Variants in KLF12 observed in about 807,000 individuals in gnomAD.
KLF12 encodes Krueppel-like factor 12.
In KLF12, 9 loss-of-function variants were observed where a neutral mutation model predicts 37.8. The ratio of observed to expected loss-of-function variants is 0.24; its 90% CI spans 0.14 to 0.42. The LOEUF (loss-of-function observed/expected upper bound fraction) is 0.42, where lower values mean the gene tolerates loss of function less well. KLF12 is among the 10% of genes least tolerant of loss of function. KLF12 has a pLI of 1.00. For synonymous variants in KLF12, 208 were observed against 202.1 expected (o/e 1.03, Z -0.25); for missense variants, 411 against 516.0 (o/e 0.80, Z 1.97).
chr13:74,082,165 A>AAAAAAATAAAAAAAAATAAAT lies in KLF12; in HGVS notation c.-32+51573_-32+51574insATTTATTTTTTTTTATTTTTT, dbSNP rs1279559733. 7.0e-4 allele frequency among the ~76,000 whole-genome samples: 102 copies of AAAAAAATAAAAAAAAATAAAT among 146,590 alleles called. 1 individual carries two copies. The highest frequency in any genetic ancestry group is 2.5e-3 in the African/African-American group (101 of 39,970). The stretch of plus-strand genomic sequence containing the variant: ...CAACATAGCAAGACCCTGTCTCTTA[A>AAAAAAATAAAAAAAAATAAAT]AAAAAAAAAAAAACAAAGTTAGCCA... On this transcript the variant is annotated intron_variant, in intron 1 of 7. Transcript: ENST00000377669.
At chr13:73,926,386 C>T (rs1889377324) in intron 3 of KLF12, among the ~76,000 whole-genome samples, 1 of 152,046 alleles carries the variant, frequency 6.6e-6, no homozygotes, top group Admixed American at 6.6e-5. Context: ...CATTTTTTAG[C>T]AATAAAGTCC....
chr13:74,099,038 T>G (rs1876148455), intron 1 of KLF12, among the ~76,000 whole-genome samples: 2 of 152,170 alleles, frequency 1.3e-5, no homozygotes, highest in Admixed American at 6.5e-5. Context: ...ATTATCATTG[T>G]ATAAATGGGG....
chr13:73,786,793 C>T lies in KLF12; in HGVS notation c.807-21793G>A, dbSNP rs1881381256. On this transcript the variant is annotated intron_variant, in intron 5 of 7. Coordinates refer to ENST00000377669, the MANE Select transcript of KLF12 (RefSeq NM_007249.5). ...AAAAAAAATTAGCTGGGCATGGTGG[C>T]GTGCACCTGTAGTCCCAGTGACTTG... is the stretch of plus-strand genomic sequence containing the variant. Among the ~76,000 whole-genome samples, 3 of 148,680 alleles carry T rather than the reference C, an allele frequency of 2.0e-5. No individual in the cohort carries two copies. The East Asian group carries it at 5.9e-4, about 29-fold the overall frequency.
chr13:74,295,637 A>C, the KLF12 span, among the ~76,000 whole-genome samples: 1 of 152,196 alleles, frequency 6.6e-6, no homozygotes. Context: ...TCGATCCTTA[A>C]TGATTCAAGC....
intron 5 of KLF12, among the ~76,000 whole-genome samples, chr13:73,799,831 C>T (rs1277149830): frequency 6.6e-6 from 1 of 152,086 alleles, no homozygotes; most frequent in Admixed American, 6.6e-5. Context: ...TCAATTTCAT[C>T]TTCTGTGTCA....
At chr13:73,810,982 CTTT>C (rs376490803) in intron 5 of KLF12, among the ~76,000 whole-genome samples, 1,019 of 44,756 alleles carry the variant, frequency 0.023, 38 homozygotes, top group African/African-American at 0.08. Flanking sequence ...ATTTTTCTTT[CTTT>C]TTTTTTTTTT....
intron 3 of KLF12, among the ~76,000 whole-genome samples, chr13:73,854,575 T>C (rs1404272735): frequency 6.6e-6 from 1 of 152,176 alleles, no homozygotes; most frequent in Non-Finnish European, 1.5e-5. Context: ...AACAATGGCT[T>C]TGCTTTTTGG....
chr13:74,231,508 C>T, the KLF12 span: 2 of 152,198 alleles, frequency 1.3e-5, no homozygotes, highest in African/African-American at 4.8e-5. Context: ...AGGGCTTGGG[C>T]TTGAACCCAA....
Position 74,092,549 on chromosome 13 carries a change from T to C in KLF12, c.-32+41190A>G, listed in dbSNP as rs543022671. 4.0e-5 allele frequency among the ~76,000 whole-genome samples: 6 copies of C among 151,810 alleles called. 1 individual carries two copies. Among genetic ancestry groups the C allele is most frequent in the Admixed American group, 2.0e-4 (3 of 15,262 alleles). On this transcript the variant is annotated intron_variant, in intron 1 of 7. Coordinates refer to ENST00000377669, the MANE Select transcript of KLF12 (RefSeq NM_007249.5). ...TGAGGCAGGAGAAATGCTTGAATCC[T>C]GGAGGCAGAGGTTGCAGTGAGCTGA...
chr13:73,916,986 G>C (rs1888878886), intron 3 of KLF12, among the ~76,000 whole-genome samples: 1 of 152,136 alleles, frequency 6.6e-6, no homozygotes, highest in African/African-American at 2.4e-5. Flanking sequence ...GTAGGGACAT[G>C]CACACTAATA....
chr13:73,851,433 T>G (rs1056078236), intron 3 of KLF12, among the ~76,000 whole-genome samples: 1 of 152,212 alleles, frequency 6.6e-6, no homozygotes, highest in Non-Finnish European at 1.5e-5. Context: ...TTTGATACTT[T>G]TTTTTCCTCT....
chr13:74,201,589 A>T, the KLF12 span, among the ~76,000 whole-genome samples: 1 of 152,230 alleles, frequency 6.6e-6, no homozygotes, highest in Non-Finnish European at 1.5e-5. Flanking sequence ...CTGATTTTGA[A>T]TATCACTGGA....
upstream of KLF12, among the ~76,000 whole-genome samples, chr13:74,134,290 GGGCGGGGGCGGC>G (rs958866868): frequency 6.6e-6 from 1 of 152,134 alleles, no homozygotes; most frequent in Non-Finnish European, 1.5e-5. Flanking sequence ...GTGGGGCCGA[GGGCGGGGGCGGC>G]GGCGGGGAGG....
chr13:73,966,313 TTCTC>T (rs1055877077), intron 2 of KLF12, among the ~76,000 whole-genome samples: 2 of 151,142 alleles, frequency 1.3e-5, no homozygotes, highest in Non-Finnish European at 1.5e-5. Context: ...AGCTTTACTT[TTCTC>T]TCTGTTTTCT....
At chr13:73,793,163 A>G (rs1377558641) in intron 5 of KLF12, among the ~76,000 whole-genome samples, 2 of 152,234 alleles carry the variant, frequency 1.3e-5, no homozygotes, top group Non-Finnish European at 2.9e-5. Flanking sequence ...TTATTACATT[A>G]CAGGCATTGT....
At chr13:74,167,281 A>T in the KLF12 span, among the ~76,000 whole-genome samples, 1 of 152,216 alleles carries the variant, frequency 6.6e-6, no homozygotes, top group East Asian at 1.9e-4. Context: ...AAGCGTTGGA[A>T]CATCTGGTAT....
At chr13:73,924,409 T>C (rs934039781) in intron 3 of KLF12, among the ~76,000 whole-genome samples, 1 of 152,236 alleles carries the variant, frequency 6.6e-6, no homozygotes, top group Non-Finnish European at 1.5e-5. Flanking sequence ...TCAAATGTTT[T>C]CATTATTATA....
At chr13:73,733,104 C>T (rs1198991769) in intron 6 of KLF12, among the ~76,000 whole-genome samples, 2 of 152,138 alleles carry the variant, frequency 1.3e-5, no homozygotes, top group Non-Finnish European at 2.9e-5. Flanking sequence ...GCTCCCACAC[C>T]CTTACTCCTT....
At chr13:74,079,160 C>T (rs1214365809) in intron 1 of KLF12, among the ~76,000 whole-genome samples, 2 of 151,992 alleles carry the variant, frequency 1.3e-5, no homozygotes, top group Admixed American at 6.6e-5. Flanking sequence ...GAAGAAATCA[C>T]TTATATGAGG....
Sources: allele counts gnomAD v4.1 joint callset (sites outside exome capture counted in the v4.1 genomes callset), GRCh38; gene constraint gnomAD v4.1.1; transcripts MANE v1.5; gene names NCBI Gene and HGNC (gene_info 2026-07-23, HGNC 2026-07-21).